MPDZ: variants seen among roughly 807,000 people sequenced by gnomAD.
MPDZ encodes multiple PDZ domain protein.
In MPDZ, 234 loss-of-function variants were observed where a neutral mutation model predicts 239.1. That is an observed-to-expected ratio of 0.98 (90% CI 0.88 to 1.09). The LOEUF is 1.09. Among genes scored for constraint, MPDZ ranks in the 50% least tolerant of loss-of-function variants. The pLI is 0.00. For missense variants in MPDZ, 3,175 were observed against 2,510.0 expected (o/e 1.26, Z -5.66); for synonymous variants, 1,048 against 881.3 (o/e 1.19, Z -3.35).
chr9:13,202,206 T>A (rs1396773502), intron 12 of MPDZ, among the ~76,000 whole-genome samples: 1 of 152,168 alleles, frequency 6.6e-6, no homozygotes, highest in Admixed American at 6.6e-5. Context: ...CTAAAACACT[T>A]CCCTGGAACT....
chr9:13,184,979 T>C (rs1022059913), intron 18 of MPDZ, among the ~76,000 whole-genome samples: 3 of 152,016 alleles, frequency 2.0e-5, no homozygotes, highest in Non-Finnish European at 2.9e-5. Context: ...AAGGAAGCCA[T>C]GTAAAGGCTA....
intron 19 of MPDZ, among the ~76,000 whole-genome samples, chr9:13,181,602 G>A (rs1436302696): frequency 2.0e-5 from 3 of 152,044 alleles, no homozygotes; most frequent in East Asian, 1.9e-4. Flanking sequence ...GTTGATAAAC[G>A]AGCTTGCCAA....
At position 13,224,590 on chromosome 9, in the gene MPDZ, G is replaced by A; in HGVS notation, c.184-7C>T. On this transcript the variant is annotated splice_polypyrimidine_tract_variant and splice_region_variant and intron_variant, in intron 3 of 46. Transcript: ENST00000319217. ...CTGAAGTTGCAATATTTACCTAAGA[G>A]TAATGCAGGGATTATTAAGAATTTT... The A allele has an allele frequency of 6.4e-7, 1 of 1,568,790 alleles. No individual in the cohort carries two copies. The highest frequency in any genetic ancestry group is 1.1e-5 in the South Asian group (1 of 87,914).
At position 13,115,970 on chromosome 9, in the gene MPDZ, A is replaced by AAAT. The variant is rs1485153963; in HGVS notation, c.5380-637_5380-636insATT. ...CACCTCAAAAAAAAAAAAAAAAAAA[A>AAAT]AAAGCGAACACAATAAAACCACCAC... On this transcript the variant is annotated intron_variant, in intron 39 of 46. Coordinates refer to ENST00000319217, the MANE Select transcript of MPDZ (RefSeq NM_001378778.1). Among the ~76,000 whole-genome samples the AAAT allele has an allele frequency of 4.2e-3, 628 of 151,170 alleles. 7 individuals are homozygous for AAAT. The highest frequency in any genetic ancestry group is 0.015 in the African/African-American group (606 of 41,124).
intron 26 of MPDZ, among the ~76,000 whole-genome samples, chr9:13,144,117 T>A (rs958236481): frequency 3.3e-5 from 5 of 152,044 alleles, no homozygotes; most frequent in African/African-American, 1.2e-4. Context: ...ATTTTTTAAA[T>A]TAAAAAAACA....
At chr9:13,166,668 G>A (rs1425830132) in intron 22 of MPDZ, among the ~76,000 whole-genome samples, 3 of 151,990 alleles carry the variant, frequency 2.0e-5, no homozygotes, top group Admixed American at 6.6e-5. Context: ...TTTGCCTCCT[G>A]AGATCCTAAA....
At chr9:13,215,269 GTGCTGAAGCA>G (rs2136058029) in intron 10 of MPDZ, among the ~76,000 whole-genome samples, 1 of 151,774 alleles carries the variant, frequency 6.6e-6, no homozygotes, top group East Asian at 1.9e-4. Flanking sequence ...AGGTTTTTCA[GTGCTGAAGCA>G]TGTGATAAGA....
In MPDZ at chr9:13,188,962, A is replaced by T; in HGVS notation, c.2186T>A (p.Ile729Lys). The T allele has an allele frequency of 6.2e-7, 1 of 1,613,336 alleles. No homozygotes were observed. The highest frequency in any genetic ancestry group is 8.5e-7 in the Non-Finnish European group (1 of 1,179,488). ...GCCGCCAGGCACCAAAGAACGAATT[A>T]TAATCACAGTGCTTGCTGGATCAAT... Reference protein sequence around the residue: ...DPIDPASTVIIIRSLVPGGIA... With the variant: ...DPIDPASTVIKIRSLVPGGIA... Residue 729 changes from isoleucine to lysine, a missense_variant, in exon 17 of 47, where the codon ATA (isoleucine) becomes AAA (lysine). Physicochemically the swap from Ile to Lys is moderately radical, Grantham distance 102 (BLOSUM62 -3). Coordinates refer to ENST00000319217, the MANE Select transcript of MPDZ (RefSeq NM_001378778.1).
At chr9:13,255,085 C>A (rs1588143868) in intron 1 of MPDZ, among the ~76,000 whole-genome samples, 1 of 152,292 alleles carries the variant, frequency 6.6e-6, no homozygotes, top group Middle Eastern at 3.4e-3. Context: ...TAGCCTCAAC[C>A]CTTTGTTTTC....
intron 1 of MPDZ, among the ~76,000 whole-genome samples, chr9:13,270,090 C>T (rs1470991425): frequency 6.6e-6 from 1 of 152,154 alleles, no homozygotes; most frequent in African/African-American, 2.4e-5. Flanking sequence ...TTTCAATGAA[C>T]GTGACTATTT....
rs750567022 is a variant in MPDZ at position 13,126,520 on chromosome 9, T to A, written c.4628A>T (p.Glu1543Val). ...DDEIVVGYPI[E>V]KFISLLKTAK... The stretch of plus-strand genomic sequence containing the variant: ...TACTTTATTTTGGAAAATTACCTTT[T>A]CAATAGGGTAACCAACAACAATTTC... The change falls in exon 34 of 47, where the codon GAA becomes GTA. Residue 1543 changes from glutamate (E) to valine (V), a missense_variant. Glu to Val is a moderately radical substitution (Grantham distance 121, BLOSUM62 -2). Coordinates refer to ENST00000319217, the MANE Select transcript of MPDZ (RefSeq NM_001378778.1). 2.6e-6 allele frequency: 4 copies of A among 1,558,262 alleles called. No homozygotes were observed. In the African/African-American group the frequency reaches 5.4e-5, roughly 21 times the overall value.
chr9:13,126,835 T>C, intron 32 of MPDZ, 63 bp from the exon 33 acceptor site: 1 of 1,365,554 alleles, frequency 7.3e-7, no homozygotes, highest in Non-Finnish European at 1.0e-6. Context: ...TCCAAATGGA[T>C]ACCAAGGGTA....
At chr9:13,250,494 A>G in intron 1 of MPDZ, 122 bp from the exon 2 acceptor site, 1 of 538,914 alleles carries the variant, frequency 1.9e-6, no homozygotes, top group Non-Finnish European at 3.2e-6. Context: ...TGTTGATACA[A>G]CTTAAGATAG....
intron 3 of MPDZ, among the ~76,000 whole-genome samples, chr9:13,233,597 TA>T (rs562098611): frequency 6.6e-6 from 1 of 152,084 alleles, no homozygotes; most frequent in East Asian, 1.9e-4. Context: ...TTTAATTTGT[TA>T]AAAAAATCCT....
intron 3 of MPDZ, among the ~76,000 whole-genome samples, chr9:13,241,236 C>CTAGA (rs1244312584): frequency 6.6e-6 from 1 of 152,110 alleles, no homozygotes; most frequent in East Asian, 1.9e-4. Flanking sequence ...TTAACTTCTC[C>CTAGA]TAGATAATGC....
intron 32 of MPDZ, among the ~76,000 whole-genome samples, chr9:13,129,464 A>AAAATAAAT (rs144016881): frequency 1.6e-4 from 24 of 150,904 alleles, no homozygotes; most frequent in African/African-American, 3.9e-4. Flanking sequence ...CTCAGTCTCA[A>AAAATAAAT]AAATAAATAA....
chr9:13,121,759 T>C lies in MPDZ; in HGVS notation c.5211A>G (p.Gly1737=), dbSNP rs1944383645. The C allele has an allele frequency of 3.7e-6, 6 of 1,613,944 alleles. No individual in the cohort carries two copies. The East Asian group carries it at 1.3e-4, about 36-fold the overall frequency. The stretch of plus-strand genomic sequence containing the variant: ...CACACCTTTTACCAACAATACTTAA[T>C]CCTAGGCCTTTTCCCGGCTTCTTCT... ...ELQKKPGKGL[G]LSIVGKRNDT... Residue 1737 remains glycine, a synonymous_variant, in exon 38 of 47, where the codon GGA becomes GGG. Transcript: ENST00000319217.
At chr9:13,240,299 C>G (rs1433684697) in intron 3 of MPDZ, among the ~76,000 whole-genome samples, 1 of 151,810 alleles carries the variant, frequency 6.6e-6, no homozygotes, top group African/African-American at 2.4e-5. Flanking sequence ...CTCTCCATTC[C>G]ACTATTATCT....
intron 3 of MPDZ, among the ~76,000 whole-genome samples, chr9:13,239,333 G>C (rs921453496): frequency 6.6e-6 from 1 of 152,098 alleles, no homozygotes; most frequent in African/African-American, 2.4e-5. Context: ...AGTCCAGCCT[G>C]CCTGGCTCTA....
Sources: gnomAD v4.1 joint callset for allele counts (sites outside exome capture counted in the v4.1 genomes callset) on GRCh38, gnomAD v4.1.1 for gene constraint, MANE v1.5 for transcripts, NCBI Gene and HGNC (gene_info 2026-07-23, HGNC 2026-07-21) for gene names.